Variants in OTOGL observed in about 807,000 individuals in gnomAD.
OTOGL encodes the protein otogelin-like protein.
OTOGL carries 285 observed loss-of-function variants against 318.5 expected under a neutral mutation model. That is an observed-to-expected ratio of 0.89 (90% CI 0.81 to 0.99). The LOEUF (loss-of-function observed/expected upper bound fraction) is 0.99. Among genes scored for constraint, OTOGL ranks in the 50% least tolerant of loss-of-function variants. The pLI is 0.00. For synonymous variants in OTOGL, 987 were observed against 936.5 expected (o/e 1.05, Z -0.99); for missense variants, 2,899 against 2,845.6 (o/e 1.02, Z -0.43).
chr12:80,243,782 AAC>A (rs1880591663), intron 11 of OTOGL, among the ~76,000 whole-genome samples: 1 of 148,644 alleles, frequency 6.7e-6, no homozygotes, highest in Non-Finnish European at 1.5e-5. Context: ...ATATATAATA[AAC>A]ACATTTTATA....
intron 11 of OTOGL, among the ~76,000 whole-genome samples, chr12:80,242,762 T>C (rs1880492194): frequency 6.6e-6 from 1 of 152,234 alleles, no homozygotes; most frequent in Non-Finnish European, 1.5e-5. Flanking sequence ...CATATTCTAA[T>C]AGGGCAGAGA....
intron 1 of OTOGL, among the ~76,000 whole-genome samples, chr12:80,204,597 A>G (rs1219311298): frequency 6.6e-6 from 1 of 152,128 alleles, no homozygotes; most frequent in East Asian, 1.9e-4. Context: ...AAAGCGTGTA[A>G]TTTTTGATGC....
intron 19 of OTOGL, 119 bp from the exon 20 acceptor site, chr12:80,264,882 T>C: frequency 9.6e-7 from 1 of 1,038,296 alleles, no homozygotes; most frequent in South Asian, 1.5e-5. Flanking sequence ...CTGAAATTGT[T>C]CACTCTTGTA....
intron 35 of OTOGL, among the ~76,000 whole-genome samples, chr12:80,325,124 T>C (rs1284354830): frequency 1.3e-5 from 2 of 152,146 alleles, no homozygotes; most frequent in Admixed American, 6.5e-5. Context: ...TTACAATTGA[T>C]TGAACAATTA....
At chr12:80,305,817 C>G (rs1244076890) in intron 29 of OTOGL, 122 bp downstream of exon 29, 1 of 820,820 alleles carries the variant, frequency 1.2e-6, no homozygotes, top group Non-Finnish European at 1.7e-6. Context: ...TAATTTATAG[C>G]TGATAAACAT....
intron 1 of OTOGL, among the ~76,000 whole-genome samples, chr12:80,181,630 A>ATTTTTTTTTTT (rs61577097): frequency 3.4e-5 from 5 of 147,532 alleles, no homozygotes; most frequent in Admixed American, 6.8e-5. Context: ...GAGGATCAAG[A>ATTTTTTTTTTT]TTTTTTTTTT....
intron 4 of OTOGL, among the ~76,000 whole-genome samples, chr12:80,213,784 AT>A (rs1031383778): frequency 3.9e-5 from 6 of 152,144 alleles, no homozygotes; most frequent in Non-Finnish European, 8.8e-5. Context: ...TTTCTGAACA[AT>A]TTTTAAAAGA....
At chr12:80,313,767 C>A in intron 31 of OTOGL, 135 bp downstream of exon 31, 1 of 671,344 alleles carries the variant, frequency 1.5e-6, no homozygotes. Flanking sequence ...ATTTTATATT[C>A]CTTTGACAAT....
intron 1 of OTOGL, among the ~76,000 whole-genome samples, chr12:80,204,467 G>A (rs1044191880): frequency 2.0e-5 from 3 of 152,084 alleles, no homozygotes; most frequent in East Asian, 3.8e-4. Flanking sequence ...AGTATAGCAC[G>A]CTTTCTTTAC....
At chr12:80,361,680 G>A (rs902274067) in intron 52 of OTOGL, among the ~76,000 whole-genome samples, 1 of 152,054 alleles carries the variant, frequency 6.6e-6, no homozygotes, top group Admixed American at 6.5e-5. Context: ...ATTCTAACAG[G>A]TATGAGGTGA....
intron 1 of OTOGL, among the ~76,000 whole-genome samples, chr12:80,141,188 G>A (rs1871915909): frequency 6.6e-6 from 1 of 152,060 alleles, no homozygotes; most frequent in African/African-American, 2.4e-5. Context: ...TAGGGTGGTG[G>A]TTTCAAGGGA....
intron 37 of OTOGL, among the ~76,000 whole-genome samples, chr12:80,329,365 C>T (rs889519192): frequency 5.3e-5 from 8 of 152,228 alleles, no homozygotes; most frequent in Non-Finnish European, 1.0e-4. Flanking sequence ...GCATGAGCCA[C>T]ACTGCACTGG....
intron 37 of OTOGL, 128 bp downstream of exon 37, chr12:80,329,247 C>A: frequency 1.4e-6 from 1 of 698,840 alleles, no homozygotes; most frequent in Non-Finnish European, 2.2e-6. Context: ...ACCCAGCAGT[C>A]ACTTTTGCTT....
chr12:80,366,529 A>ATATATATG (rs1326890515), intron 52 of OTOGL, 45 bp from the exon 53 acceptor site: 2 of 352,816 alleles, frequency 5.7e-6, no homozygotes, highest in Admixed American at 5.0e-5. Flanking sequence ...ATATATATAT[A>ATATATATG]TAAAATAAGC....
At chr12:80,282,973 AG>A (rs34876660) in intron 26 of OTOGL, among the ~76,000 whole-genome samples, 2 of 151,964 alleles carry the variant, frequency 1.3e-5, no homozygotes, top group African/African-American at 4.8e-5. Flanking sequence ...TTGTTTCACA[AG>A]GGAGGAGCAC....
chr12:80,102,820 T>C (rs1012608963), intron 1 of OTOGL: 8 of 645,614 alleles, frequency 1.2e-5, no homozygotes, highest in Non-Finnish European at 2.2e-5. Context: ...AACTCTTTAC[T>C]CTCGGAGCTC....
In OTOGL at chr12:80,368,389, C is replaced by CCA. The variant is rs559707538; in HGVS notation, c.6615+81_6615+82insAC. 3.3e-4 allele frequency: 288 copies of CCA among 882,228 alleles called. 2 individuals carry two copies. The South Asian group carries it at 3.7e-3, about 11-fold the overall frequency. 54.6% of individuals were successfully genotyped at this position (882,228 alleles called of 1,614,324 possible). A position where few individuals can be genotyped will look rare whatever the true frequency, so the allele number is the denominator to read the frequency against. Reference sequence around the variant, plus strand: ...AGTCAAAGTTTGGAAAATGTCCCCCCCCACACACACTGCACTGCATACAAT... The same window carrying CCA: ...AGTCAAAGTTTGGAAAATGTCCCCCCCACCACACACACTGCACTGCATACAAT... On this transcript the variant is annotated intron_variant, in intron 55 of 58. Transcript: ENST00000547103.
At chr12:80,231,800 A>AT (rs763600811) in intron 8 of OTOGL, among the ~76,000 whole-genome samples, 242 of 140,386 alleles carry the variant, frequency 1.7e-3, no homozygotes, top group Admixed American at 3.9e-3. Context: ...TGACCAACTA[A>AT]TTTTTTTTTT....
chr12:80,307,749 G>C (rs1424832558), intron 29 of OTOGL, among the ~76,000 whole-genome samples: 39 of 96,776 alleles, frequency 4.0e-4, no homozygotes, highest in East Asian at 1.4e-3. Flanking sequence ...GGCAGACCCC[G>C]CCACCTCCCT....
Sources: allele counts gnomAD v4.1 joint callset (sites outside exome capture counted in the v4.1 genomes callset), GRCh38; gene constraint gnomAD v4.1.1; transcripts MANE v1.5; gene names NCBI Gene and HGNC (gene_info 2026-07-23, HGNC 2026-07-21).